Variants in KCTD8 observed in about 807,000 individuals in gnomAD.
KCTD8 encodes potassium channel tetramerization domain containing 8.
In KCTD8, 27 loss-of-function variants were observed where a neutral mutation model predicts 31.5. That is an observed-to-expected ratio of 0.86 (90% CI 0.63 to 1.18). The LOEUF is 1.18. Ranked by LOEUF, KCTD8 falls within the 50% of genes most tolerant of loss-of-function variation. KCTD8 has a pLI of 0.00. For missense variants in KCTD8, 658 were observed against 647.7 expected (o/e 1.02, Z -0.17); for synonymous variants, 290 against 280.0 (o/e 1.04, Z -0.36).
At chr4:44,409,472 G>C (rs1393526216) in intron 1 of KCTD8, among the ~76,000 whole-genome samples, 1 of 152,112 alleles carries the variant, frequency 6.6e-6, no homozygotes, top group African/African-American at 2.4e-5. Context: ...AAGAAGCATG[G>C]TGATGGCCAG....
chr4:44,349,065 G>GCCACCGCCACCA (rs1344372506), intron 1 of KCTD8, among the ~76,000 whole-genome samples: 3 of 107,828 alleles, frequency 2.8e-5, no homozygotes, highest in Non-Finnish European at 6.5e-5. Flanking sequence ...CACCATCGCT[G>GCCACCGCCACCA]CCACCGCCAC....
intron 1 of KCTD8, among the ~76,000 whole-genome samples, chr4:44,368,647 T>C (rs917470692): frequency 3.3e-5 from 5 of 152,116 alleles, no homozygotes; most frequent in Non-Finnish European, 7.3e-5. Context: ...GGAACAGGTT[T>C]TTTGAGGAGA....
At chr4:44,329,088 C>T (rs1718526204) in intron 1 of KCTD8, among the ~76,000 whole-genome samples, 2 of 151,350 alleles carry the variant, frequency 1.3e-5, no homozygotes, top group African/African-American at 4.9e-5. Context: ...TAGAATATTA[C>T]ATCAAAGAAG....
chr4:44,345,108 G>T (rs1406687069), intron 1 of KCTD8, among the ~76,000 whole-genome samples: 1 of 152,004 alleles, frequency 6.6e-6, no homozygotes, highest in Non-Finnish European at 1.5e-5. Flanking sequence ...TCTTTCTTAT[G>T]CTAGGTATTT....
chr4:44,282,823 A>C (rs1457027565), intron 1 of KCTD8, among the ~76,000 whole-genome samples: 1 of 152,072 alleles, frequency 6.6e-6, no homozygotes, highest in East Asian at 1.9e-4. Flanking sequence ...CTTCTATTCT[A>C]TGAAGGCTGA....
chr4:44,331,093 T>A (rs1204437617), intron 1 of KCTD8, among the ~76,000 whole-genome samples: 2 of 151,898 alleles, frequency 1.3e-5, no homozygotes, highest in African/African-American at 4.8e-5. Context: ...CCTAGGTATG[T>A]GGAGAAGGCA....
At chr4:44,176,719 G>C (rs746166770) in intron 1 of KCTD8, among the ~76,000 whole-genome samples, 3 of 152,068 alleles carry the variant, frequency 2.0e-5, no homozygotes, top group Non-Finnish European at 4.4e-5. Context: ...TTGATTATAT[G>C]ACTGTATACA....
At chr4:44,343,103 G>T (rs1718948052) in intron 1 of KCTD8, among the ~76,000 whole-genome samples, 1 of 152,192 alleles carries the variant, frequency 6.6e-6, no homozygotes, top group Non-Finnish European at 1.5e-5. Flanking sequence ...CAAATTGGCT[G>T]TTTGGTGTAA....
chr4:44,325,252 GA>G (rs1718413421), intron 1 of KCTD8, among the ~76,000 whole-genome samples: 1 of 151,832 alleles, frequency 6.6e-6, no homozygotes, highest in African/African-American at 2.4e-5. Context: ...AAATACAGGA[GA>G]AATTCAAAGT....
chr4:44,336,725 A>G (rs1240902774), intron 1 of KCTD8, among the ~76,000 whole-genome samples: 2 of 152,150 alleles, frequency 1.3e-5, no homozygotes, highest in African/African-American at 4.8e-5. Context: ...GTTAGAAAAT[A>G]TAAACAGTCA....
intron 1 of KCTD8, among the ~76,000 whole-genome samples, chr4:44,332,385 C>T (rs573298586): frequency 1.3e-5 from 2 of 152,022 alleles, no homozygotes; most frequent in South Asian, 2.1e-4. Flanking sequence ...ATATAATATA[C>T]CTTAACACTG....
chr4:44,370,173 T>C (rs889480408), intron 1 of KCTD8, among the ~76,000 whole-genome samples: 1 of 152,220 alleles, frequency 6.6e-6, no homozygotes. Context: ...ACTACTTATC[T>C]TCCAATCCTG....
At chr4:44,320,436 G>T (rs1050490443) in intron 1 of KCTD8, among the ~76,000 whole-genome samples, 1 of 152,054 alleles carries the variant, frequency 6.6e-6, no homozygotes, top group Non-Finnish European at 1.5e-5. Context: ...TCTCATTTTA[G>T]ATTCTAAGGA....
At chr4:44,414,604 G>A (rs1721031204) in intron 1 of KCTD8, among the ~76,000 whole-genome samples, 1 of 152,102 alleles carries the variant, frequency 6.6e-6, no homozygotes, top group Admixed American at 6.6e-5. Flanking sequence ...CTGCAGTCTG[G>A]TATCCAGCTA....
chr4:44,189,997 T>G (rs1713714274), intron 1 of KCTD8, among the ~76,000 whole-genome samples: 1 of 152,116 alleles, frequency 6.6e-6, no homozygotes, highest in Admixed American at 6.6e-5. Flanking sequence ...TGATAATACC[T>G]CAATCATTTT....
At chr4:44,382,874 CT>C (rs1235935706) in intron 1 of KCTD8, among the ~76,000 whole-genome samples, 1 of 151,878 alleles carries the variant, frequency 6.6e-6, no homozygotes, top group African/African-American at 2.4e-5. Flanking sequence ...CAAACTGTTC[CT>C]GTTTGCAGAT....
At chr4:44,203,368 A>C (rs568554206) in intron 1 of KCTD8, among the ~76,000 whole-genome samples, 33 of 151,862 alleles carry the variant, frequency 2.2e-4, no homozygotes, top group African/African-American at 7.7e-4. Flanking sequence ...CTGAGTGTGG[A>C]GGCAGGCGCT....
chr4:44,399,957 C>G (rs1359062320), intron 1 of KCTD8, among the ~76,000 whole-genome samples: 1 of 152,128 alleles, frequency 6.6e-6, no homozygotes, highest in Non-Finnish European at 1.5e-5. Context: ...TTGGATTTCC[C>G]TCTACCATTC....
At chr4:44,294,186 C>T (rs1717364429) in intron 1 of KCTD8, among the ~76,000 whole-genome samples, 1 of 152,116 alleles carries the variant, frequency 6.6e-6, no homozygotes, top group South Asian at 2.1e-4. Flanking sequence ...GATAAACAAT[C>T]ACATTACTAC....
Sources: allele counts gnomAD v4.1 joint callset (sites outside exome capture counted in the v4.1 genomes callset), GRCh38; gene constraint gnomAD v4.1.1; transcripts MANE v1.5; gene names NCBI Gene and HGNC (gene_info 2026-07-23, HGNC 2026-07-21).